RAB11FIP3: variants seen among roughly 807,000 people sequenced by gnomAD.
The protein encoded by RAB11FIP3 is rab11 family-interacting protein 3.
A neutral mutation model predicts 77.8 loss-of-function variants in RAB11FIP3; 17 were observed. The observed-to-expected ratio is 0.22, with a 90% confidence interval of 0.15 to 0.33. The LOEUF is 0.33. RAB11FIP3 is among the 10% of genes least tolerant of loss of function. The probability of loss-of-function intolerance (pLI) is 1.00; values close to 1 mark genes in which losing one functional copy is unlikely to be tolerated. For synonymous variants in RAB11FIP3, 437 were observed against 448.2 expected, an observed-to-expected ratio of 0.98 and a Z score of 0.31; for missense variants, 1,005 against 1,011.2, an observed-to-expected ratio of 0.99 and a Z score of 0.08.
In RAB11FIP3 at chr16:477,193, G is replaced by A. The variant is rs922117354; in HGVS notation, c.904-5332G>A. Among the ~76,000 whole-genome samples, 5 of 152,188 alleles carry A rather than the reference G, an allele frequency of 3.3e-5. No homozygotes were observed. In the South Asian group the frequency reaches 1.0e-3, roughly 32 times the overall value. ...CGCTTGGACCTGGGAGGCAGAGGTT[G>A]CAGTGAGCCAAGATGGCGCCACTGC... On this transcript the variant is annotated intron_variant, in intron 3 of 13. Coordinates refer to ENST00000262305, the MANE Select transcript of RAB11FIP3 (RefSeq NM_014700.4).
chr16:474,942 C>G, intron 3 of RAB11FIP3: 1 of 1,547,656 alleles, frequency 6.5e-7, no homozygotes, highest in South Asian at 1.2e-5. Context: ...CCCAGCATGA[C>G]AAGCAAGTAG....
At chr16:434,153 C>T (rs2055088172) in intron 1 of RAB11FIP3, among the ~76,000 whole-genome samples, 3 of 152,122 alleles carry the variant, frequency 2.0e-5, no homozygotes, top group African/African-American at 4.8e-5. Flanking sequence ...ACAGAGTTCA[C>T]TATTGTTGGC....
chr16:482,347 C>G, intron 3 of RAB11FIP3, 178 bp from the exon 4 acceptor site: 1 of 723,930 alleles, frequency 1.4e-6, no homozygotes, highest in Non-Finnish European at 2.5e-6. Flanking sequence ...TGAGTCACCG[C>G]GCCCAGCCTG....
chr16:468,687 A>T (rs562572867), intron 2 of RAB11FIP3, among the ~76,000 whole-genome samples: 2 of 152,244 alleles, frequency 1.3e-5, no homozygotes, highest in Non-Finnish European at 2.9e-5. Flanking sequence ...TCAGGAATAG[A>T]ATGAGATAGA....
At position 426,622 on chromosome 16, in the gene RAB11FIP3, C is replaced by A; in HGVS notation, c.616C>A (p.Arg206Ser). 1 of 1,592,050 alleles carries A rather than the reference C, an allele frequency of 6.3e-7. No individual in the cohort carries two copies. Among genetic ancestry groups the A allele is most frequent in the Non-Finnish European group, 8.5e-7 (1 of 1,170,504 alleles). Residue 206 changes from arginine to serine, a missense_variant, in exon 1 of 14, where the codon CGC (arginine) becomes AGC (serine). By Grantham distance (110) the Arg-to-Ser change is moderately radical. This residue lies in a region of RAB11FIP3 where 466 missense variants were observed against 408.3 expected (regional missense o/e 1.14). Coordinates refer to ENST00000262305, the MANE Select transcript of RAB11FIP3 (RefSeq NM_014700.4). The surrounding 1 kb of genome is among the most constrained non-coding windows in gnomAD (Gnocchi z 5.0). ...EPVGSQEDGPRLRAVFDALDG... is the reference protein window; with the variant it reads ...EPVGSQEDGPSLRAVFDALDG... ...CGTGGGGAGTCAGGAGGACGGCCCCCGCCTCCGAGCCGTGTTCGATGCCCT... is the reference window on the plus strand; with the variant it reads ...CGTGGGGAGTCAGGAGGACGGCCCCAGCCTCCGAGCCGTGTTCGATGCCCT...
intron 1 of RAB11FIP3, among the ~76,000 whole-genome samples, chr16:447,297 C>T (rs1450266059): frequency 6.6e-6 from 1 of 151,558 alleles, no homozygotes; most frequent in Non-Finnish European, 1.5e-5. Context: ...AGAGTAAGAC[C>T]CTGTCTCCAA....
chr16:473,651 G>A (rs1469862706), intron 3 of RAB11FIP3, among the ~76,000 whole-genome samples: 7 of 152,040 alleles, frequency 4.6e-5, no homozygotes, highest in Admixed American at 4.6e-4. Flanking sequence ...TGTTGCCTAG[G>A]CTGCTCTCAA....
At chr16:446,859 C>T (rs1478786327) in intron 1 of RAB11FIP3, among the ~76,000 whole-genome samples, 2 of 152,096 alleles carry the variant, frequency 1.3e-5, no homozygotes, top group Non-Finnish European at 1.5e-5. Flanking sequence ...TGCCTCCGTG[C>T]CCAGCTAATT....
intron 6 of RAB11FIP3, among the ~76,000 whole-genome samples, chr16:502,525 C>G (rs2031589647): frequency 6.6e-6 from 1 of 152,272 alleles, no homozygotes; most frequent in Admixed American, 6.5e-5. Flanking sequence ...TCCTGGGACC[C>G]TCACTCTTCC....
intron 9 of RAB11FIP3, 72 bp downstream of exon 9, chr16:510,872 C>T: frequency 1.9e-6 from 3 of 1,542,472 alleles, no homozygotes; most frequent in Non-Finnish European, 2.6e-6. Context: ...CAACAGCCCG[C>T]CAGCCCCAGA....
In RAB11FIP3 at chr16:425,652, C is replaced by A. The variant is rs965201468; in HGVS notation, c.-355C>A. 28 of 217,936 alleles carry A rather than the reference C, an allele frequency of 1.3e-4. No homozygotes were observed. The highest frequency in any genetic ancestry group is 3.5e-4 in the South Asian group (2 of 5,700). 13.5% of individuals were successfully genotyped at this position (217,936 alleles called of 1,614,324 possible). The stretch of plus-strand genomic sequence containing the variant: ...CTCCGGGTACCTCAGGCGCCTCAGC[C>A]TCCTTAGTCTCCTCATCCTGCTTCA... On this transcript the variant is annotated 5_prime_UTR_variant, in exon 1 of 14. Transcript: ENST00000262305.
At chr16:501,838 G>A (rs539121473) in intron 6 of RAB11FIP3, among the ~76,000 whole-genome samples, 6 of 150,950 alleles carry the variant, frequency 4.0e-5, no homozygotes, top group South Asian at 4.2e-4. Flanking sequence ...AAGGAAGTTC[G>A]GAGAGGATCC....
intron 3 of RAB11FIP3, among the ~76,000 whole-genome samples, chr16:476,606 T>C (rs116020473): frequency 0.011 from 1,739 of 152,128 alleles, 36 homozygotes; most frequent in African/African-American, 0.04. Flanking sequence ...TACCAGTCCA[T>C]TGACTTTTTA....
intron 4 of RAB11FIP3, among the ~76,000 whole-genome samples, 158 bp from the exon 5 acceptor site, chr16:488,693 G>A (rs950638905): frequency 2.0e-5 from 3 of 149,400 alleles, no homozygotes; most frequent in Admixed American, 6.7e-5. Flanking sequence ...ACATGTGTGA[G>A]CCACCGCATC....
At chr16:510,256 G>A (rs1596296780) in intron 8 of RAB11FIP3, among the ~76,000 whole-genome samples, 1 of 152,106 alleles carries the variant, frequency 6.6e-6, no homozygotes, top group South Asian at 2.1e-4. Context: ...CCGAGGCTCC[G>A]TGCCTCTGGG....
intron 1 of RAB11FIP3, among the ~76,000 whole-genome samples, chr16:451,877 C>T (rs545137820): frequency 1.3e-5 from 2 of 150,118 alleles, no homozygotes; most frequent in Admixed American, 6.6e-5. Context: ...GGCCGGGGCT[C>T]GGTGGCTCAT....
chr16:436,123 A>C (rs1309410495), intron 1 of RAB11FIP3, among the ~76,000 whole-genome samples: 1 of 152,152 alleles, frequency 6.6e-6, no homozygotes, highest in African/African-American at 2.4e-5. Context: ...AGCCTGGCTA[A>C]CATGGTGAAA....
rs1251634930 is a variant in RAB11FIP3 at position 461,632 on chromosome 16, G to A, written c.808+135G>A. ...TCCTTGAAGCCCCCAACATACCCCA[G>A]GTTTCCAGGTGGTCTCTTTCCTTTC... On this transcript the variant is annotated intron_variant, in intron 2 of 13. Transcript: ENST00000262305. This position sits in a 1 kb window ranked among gnomAD's most constrained non-coding sequence, Gnocchi z 4.5. 6 of 646,316 alleles carry A rather than the reference G, an allele frequency of 9.3e-6. No individual in the cohort carries two copies. The highest frequency in any genetic ancestry group is 4.3e-4 in the Middle Eastern group (1 of 2,322). 40.0% of individuals were successfully genotyped at this position (646,316 alleles called of 1,614,324 possible). A position where few individuals can be genotyped will look rare whatever the true frequency, so the allele number is the denominator to read the frequency against.
At chr16:518,427 T>TAA (rs572946782) in intron 9 of RAB11FIP3, among the ~76,000 whole-genome samples, 14 of 151,454 alleles carry the variant, frequency 9.2e-5, no homozygotes, top group African/African-American at 3.2e-4. Flanking sequence ...CAAAGTATAT[T>TAA]AAAAAAACCA....
Sources: gnomAD v4.1 joint callset for allele counts (sites outside exome capture counted in the v4.1 genomes callset) on GRCh38, gnomAD v4.1.1 for gene constraint, gnomAD v4.1.1 regional missense constraint, Gnocchi (gnomAD v3.1) non-coding constraint, MANE v1.5 for transcripts, NCBI Gene and HGNC (gene_info 2026-07-23, HGNC 2026-07-21) for gene names.